The following MGAT5 variants were observed in gnomAD, a reference collection of about 807,000 sequenced individuals.
The protein encoded by MGAT5 is alpha-1,6-mannosylglycoprotein 6-beta-N-acetylglucosaminyltransferase, also known as alpha-1,6-mannosylglycoprotein 6-beta-N-acetylglucosaminyltransferase A.
MGAT5 carries 30 observed loss-of-function variants against 94.3 expected under a neutral mutation model. That is an observed-to-expected ratio of 0.32 (90% confidence interval 0.24 to 0.43). The LOEUF (loss-of-function observed/expected upper bound fraction) is 0.43. MGAT5 is among the 20% of genes least tolerant of loss of function. The probability of loss-of-function intolerance (pLI) is 1.00; values close to 1 mark genes in which losing one functional copy is unlikely to be tolerated. For missense variants in MGAT5, 691 were observed against 905.5 expected (o/e 0.76, Z 3.04); for synonymous variants, 310 against 322.9 (o/e 0.96, Z 0.43).
At chr2:134,432,782 C>T (rs1227409138) in intron 14 of MGAT5, among the ~76,000 whole-genome samples, 3 of 152,194 alleles carry the variant, frequency 2.0e-5, no homozygotes, top group Non-Finnish European at 4.4e-5. Context: ...ATGCAACCTA[C>T]CCATCAGGCT....
At chr2:134,161,804 G>C (rs971828221) in intron 1 of MGAT5, among the ~76,000 whole-genome samples, 2 of 152,080 alleles carry the variant, frequency 1.3e-5, no homozygotes, top group African/African-American at 4.8e-5. Context: ...AATAGTACCA[G>C]TGTATTTTTC....
chr2:134,136,759 C>A (rs1272493108), intron 1 of MGAT5, among the ~76,000 whole-genome samples: 2 of 152,130 alleles, frequency 1.3e-5, no homozygotes, highest in Non-Finnish European at 2.9e-5. Flanking sequence ...GTTCTAGACC[C>A]TGCACACCCA....
At position 134,254,080 on chromosome 2, in the gene MGAT5, T is replaced by G. The variant is rs534451893; in HGVS notation, c.-324T>G. ...CGCACACTTCCCCCTTCATAATTGC[T>G]TAGCTTCTTGTTGCCTAGCCAGATT... On this transcript the variant is annotated 5_prime_UTR_variant, in exon 1 of 16. Transcript: ENST00000281923. Among the ~76,000 whole-genome samples the G allele has an allele frequency of 6.6e-6, 1 of 152,336 alleles. No individual in the cohort carries two copies. The highest frequency in any genetic ancestry group is 1.5e-5 in the Non-Finnish European group (1 of 68,034).
chr2:134,304,027 T>C (rs1313310640), intron 2 of MGAT5, among the ~76,000 whole-genome samples: 1 of 152,098 alleles, frequency 6.6e-6, no homozygotes, highest in Non-Finnish European at 1.5e-5. Context: ...TGTGGGAAGA[T>C]TGTTCCAATA....
chr2:134,258,457 TTA>T, intron 1 of MGAT5, among the ~76,000 whole-genome samples: 1 of 152,358 alleles, frequency 6.6e-6, no homozygotes, highest in Middle Eastern at 3.4e-3. Flanking sequence ...GCCCATTTAA[TTA>T]TATGCTGTCT....
rs79357679 is a variant in MGAT5 at position 134,301,870 on chromosome 2, T to C, written c.407-15659T>C. 7.4e-3 allele frequency among the ~76,000 whole-genome samples: 1,133 copies of C among 152,126 alleles called. 17 individuals are homozygous for C. The highest frequency in any genetic ancestry group is 0.026 in the African/African-American group (1,071 of 41,482). On this transcript the variant is annotated intron_variant, in intron 2 of 15. Transcript: ENST00000281923. ...CTTGATTTTGCCTCCAGCCTTGGAGTATGGATATTCCTGCACAAGCTGGGA... is the reference window on the plus strand; with the variant it reads ...CTTGATTTTGCCTCCAGCCTTGGAGCATGGATATTCCTGCACAAGCTGGGA...
intron 4 of MGAT5, among the ~76,000 whole-genome samples, chr2:134,327,702 G>A (rs1322199366): frequency 6.6e-6 from 1 of 152,106 alleles, no homozygotes; most frequent in Non-Finnish European, 1.5e-5. Context: ...ATATTAGAAA[G>A]TGAAGCCGTG....
intron 10 of MGAT5, among the ~76,000 whole-genome samples, chr2:134,367,848 T>C (rs1680531766): frequency 6.6e-6 from 1 of 152,244 alleles, no homozygotes; most frequent in African/African-American, 2.4e-5. Context: ...TAGTAACTAA[T>C]GCATTGATAA....
Position 134,345,417 on chromosome 2 carries a change from C to T in MGAT5, c.1112+353C>T, listed in dbSNP as rs142339928. On this transcript the variant is annotated intron_variant, in intron 8 of 15. Coordinates refer to ENST00000281923, the MANE Select transcript of MGAT5 (RefSeq NM_002410.5). The stretch of plus-strand genomic sequence containing the variant: ...GTTCCGTGGGTTTTAGATCATGATT[C>T]GCTTTTCTTACCCTTTACCTCATCA... Among the ~76,000 whole-genome samples, 11 of 152,218 alleles carry T rather than the reference C, an allele frequency of 7.2e-5. No homozygotes were observed. In the East Asian group the frequency reaches 9.6e-4, roughly 13 times the overall value.
At chr2:134,172,654 G>A (rs1192515277) in intron 1 of MGAT5, among the ~76,000 whole-genome samples, 1 of 152,284 alleles carries the variant, frequency 6.6e-6, no homozygotes, top group East Asian at 1.9e-4. Context: ...CCAAAGTGCT[G>A]GGATTACAGG....
intron 1 of MGAT5, among the ~76,000 whole-genome samples, chr2:134,163,312 G>A (rs1012087908): frequency 1.2e-4 from 18 of 152,154 alleles, no homozygotes; most frequent in Non-Finnish European, 2.5e-4. Context: ...TACCTAAGAC[G>A]CCTTATTGAA....
At chr2:134,289,028 T>C (rs1018924821) in intron 2 of MGAT5, among the ~76,000 whole-genome samples, 5 of 152,218 alleles carry the variant, frequency 3.3e-5, no homozygotes, top group Non-Finnish European at 5.9e-5. Flanking sequence ...TGCCAGTCTT[T>C]TTTGGGTGCC....
chr2:134,260,643 C>G (rs1683265994), intron 1 of MGAT5, among the ~76,000 whole-genome samples: 1 of 150,630 alleles, frequency 6.6e-6, no homozygotes. Flanking sequence ...TTTTGTGTCT[C>G]TCTTCCTACA....
intron 14 of MGAT5, among the ~76,000 whole-genome samples, chr2:134,432,343 G>A (rs927401029): frequency 6.6e-6 from 1 of 152,006 alleles, no homozygotes; most frequent in African/African-American, 2.4e-5. Flanking sequence ...AGAGAGGGAG[G>A]GTAAAAAAAA....
intron 2 of MGAT5, among the ~76,000 whole-genome samples, chr2:134,316,773 T>C (rs980648653): frequency 2.0e-5 from 3 of 152,152 alleles, no homozygotes; most frequent in African/African-American, 7.2e-5. Context: ...CAATAATACA[T>C]GGTTTTAAAT....
intron 1 of MGAT5, among the ~76,000 whole-genome samples, chr2:134,177,221 T>G (rs1688514534): frequency 6.7e-6 from 1 of 150,118 alleles, no homozygotes; most frequent in South Asian, 2.1e-4. Context: ...GTTCATAGTT[T>G]TAGGTTGATA....
intron 1 of MGAT5, among the ~76,000 whole-genome samples, chr2:134,166,309 C>G (rs1171116771): frequency 6.6e-6 from 1 of 152,204 alleles, no homozygotes; most frequent in African/African-American, 2.4e-5. Context: ...ACAGTAAGGG[C>G]ACAAGTTTAT....
chr2:134,332,025 T>G (rs1688005020), intron 4 of MGAT5, among the ~76,000 whole-genome samples: 1 of 151,892 alleles, frequency 6.6e-6, no homozygotes, highest in Non-Finnish European at 1.5e-5. Flanking sequence ...AGGTAATTTA[T>G]AGATTCAATG....
Position 134,448,779 on chromosome 2 carries a change from C to T in MGAT5, c.2158C>T (p.His720Tyr). The T allele has an allele frequency of 6.2e-7, 1 of 1,614,238 alleles. No individual in the cohort carries two copies. The highest frequency in any genetic ancestry group is 8.5e-7 in the Non-Finnish European group (1 of 1,180,038). Residue 720 changes from histidine to tyrosine, a missense_variant, in exon 16 of 16, where the codon CAC becomes TAC. His to Tyr is a moderately conservative substitution (Grantham distance 83, BLOSUM62 2). Coordinates refer to ENST00000281923, the MANE Select transcript of MGAT5 (RefSeq NM_002410.5). ...CAGCTGTGCAGGCGCCCACCCCAGG[C>T]ACCAGAGGGTCTGCCCCTGCCGGGA... ...LFSCAGAHPR[H>Y]QRVCPCRDFI...
Sources: allele counts gnomAD v4.1 joint callset (sites outside exome capture counted in the v4.1 genomes callset), GRCh38; gene constraint gnomAD v4.1.1; transcripts MANE v1.5; gene names NCBI Gene and HGNC (gene_info 2026-07-23, HGNC 2026-07-21).